Variants in XPNPEP1 observed in about 807,000 individuals in gnomAD.
XPNPEP1 encodes xaa-Pro aminopeptidase 1.
In XPNPEP1, 39 loss-of-function variants were observed where a neutral mutation model predicts 92.4. That is an observed-to-expected ratio of 0.42 (90% confidence interval 0.33 to 0.55). The LOEUF (loss-of-function observed/expected upper bound fraction) is 0.55, where lower values mean the gene tolerates loss of function less well. Ranked by LOEUF, XPNPEP1 falls within the 20% of genes least tolerant of loss-of-function variation. The pLI, the probability that XPNPEP1 is intolerant of heterozygous loss-of-function variation, is 0.08. For missense variants in XPNPEP1, 654 were observed against 856.1 expected (o/e 0.76, Z 2.95); for synonymous variants, 307 against 299.4 (o/e 1.03, Z -0.26).
At chr10:109,904,978 T>G (rs1456670918) in intron 3 of XPNPEP1, among the ~76,000 whole-genome samples, 1 of 152,118 alleles carries the variant, frequency 6.6e-6, no homozygotes, top group African/African-American at 2.4e-5. Context: ...ATTGCAACAT[T>G]ACTCACAATA....
chr10:109,896,818 A>C (rs1589601534), intron 3 of XPNPEP1, among the ~76,000 whole-genome samples: 2 of 152,276 alleles, frequency 1.3e-5, no homozygotes, highest in East Asian at 3.9e-4. Context: ...ACCATGAGCC[A>C]AGGAATGCAG....
intron 3 of XPNPEP1, among the ~76,000 whole-genome samples, chr10:109,902,762 T>C (rs1849352828): frequency 6.6e-6 from 1 of 152,236 alleles, no homozygotes; most frequent in South Asian, 2.1e-4. Flanking sequence ...GCTTGATACA[T>C]TTTGTATTTT....
chr10:109,920,025 C>T (rs1279184666), intron 1 of XPNPEP1, among the ~76,000 whole-genome samples: 1 of 151,350 alleles, frequency 6.6e-6, no homozygotes, highest in Non-Finnish European at 1.5e-5. Flanking sequence ...AGCAAGACTC[C>T]GTCTCATTTA....
At chr10:109,913,148 A>C (rs1391746438) in intron 2 of XPNPEP1, among the ~76,000 whole-genome samples, 1 of 152,240 alleles carries the variant, frequency 6.6e-6, no homozygotes, top group Admixed American at 6.5e-5. Context: ...GACTCACTTA[A>C]AAGTCTTGCA....
intron 17 of XPNPEP1, 148 bp downstream of exon 17, chr10:109,871,644 G>A: frequency 3.5e-6 from 3 of 858,286 alleles, no homozygotes; most frequent in East Asian, 5.2e-5. Context: ...GTGGGTTATG[G>A]AGACTCACCC....
In XPNPEP1 at chr10:109,867,989, C is replaced by T. The variant is rs958397232; in HGVS notation, c.1872+625G>A. ...TCCCCAGGACTGCCATCTGACCTGG[C>T]CTTACCAGTCCAGGGTCTGAAGGAG... is the stretch of plus-strand genomic sequence containing the variant. On this transcript the variant is annotated intron_variant, in intron 20 of 20. Coordinates refer to ENST00000502935, the MANE Select transcript of XPNPEP1 (RefSeq NM_020383.4). The surrounding 1 kb of genome is among the most constrained non-coding windows in gnomAD (Gnocchi z 4.5). Among the ~76,000 whole-genome samples the T allele has an allele frequency of 6.6e-6, 1 of 152,188 alleles. No homozygotes were observed. The highest frequency in any genetic ancestry group is 6.5e-5 in the Admixed American group (1 of 15,282).
intron 1 of XPNPEP1, among the ~76,000 whole-genome samples, chr10:109,919,835 C>G (rs1482883608): frequency 6.6e-6 from 1 of 152,148 alleles, no homozygotes; most frequent in African/African-American, 2.4e-5. Context: ...AGATAGAGAC[C>G]ATCCTGGCCA....
In XPNPEP1 at chr10:109,882,738, G is replaced by A. The variant is rs557694638; in HGVS notation, c.831-96C>T. On this transcript the variant is annotated intron_variant, in intron 9 of 20. Transcript: ENST00000502935. ...CATACACATCAGGCTCTGTTTCCTGGCAACCAAAACCAAGCCCCTTTTCTC... is the reference window on the plus strand; with the variant it reads ...CATACACATCAGGCTCTGTTTCCTGACAACCAAAACCAAGCCCCTTTTCTC... The A allele has an allele frequency of 1.2e-5, 16 of 1,368,102 alleles. No homozygotes were observed. In the South Asian group the frequency reaches 1.6e-4, roughly 13 times the overall value. The allele number at this position is 1,368,102 out of a possible 1,614,324, so 84.7% of individuals were successfully genotyped here.
intron 3 of XPNPEP1, among the ~76,000 whole-genome samples, chr10:109,898,324 A>G (rs1445002286): frequency 6.6e-6 from 1 of 152,250 alleles, no homozygotes; most frequent in Non-Finnish European, 1.5e-5. Flanking sequence ...TATGAACTGC[A>G]CCGAGCTTGA....
At chr10:109,876,448 A>C (rs998234396) in intron 14 of XPNPEP1, 16 of 152,258 alleles carry the variant, frequency 1.1e-4, no homozygotes, top group African/African-American at 3.4e-4. Flanking sequence ...CACAATGAAG[A>C]AATGCCAACG....
At chr10:109,878,435 C>A in intron 12 of XPNPEP1, 1 of 174,748 alleles carries the variant, frequency 5.7e-6, no homozygotes, top group Non-Finnish European at 1.2e-5. Flanking sequence ...CTGATAACAG[C>A]AAAAAATTAA....
At chr10:109,887,832 G>A (rs554761461) in intron 7 of XPNPEP1, among the ~76,000 whole-genome samples, 31 of 152,324 alleles carry the variant, frequency 2.0e-4, no homozygotes, top group Admixed American at 1.6e-3. Context: ...AACGAGCTTT[G>A]CGAAAATAAC....
chr10:109,870,430 C>A (rs912055939), intron 18 of XPNPEP1, among the ~76,000 whole-genome samples: 3 of 152,070 alleles, frequency 2.0e-5, no homozygotes, highest in Non-Finnish European at 4.4e-5. Context: ...CCAGTAAGAT[C>A]TCAATGATTT....
chr10:109,880,781 G>A, intron 11 of XPNPEP1, 61 bp downstream of exon 11: 1 of 1,527,416 alleles, frequency 6.5e-7, no homozygotes, highest in South Asian at 1.2e-5. Context: ...CAGAGGAGGT[G>A]AAGGAGCCGG....
chr10:109,875,167 A>G (rs1456267011), intron 15 of XPNPEP1, among the ~76,000 whole-genome samples: 1 of 152,114 alleles, frequency 6.6e-6, no homozygotes, highest in Non-Finnish European at 1.5e-5. Context: ...TTAATCCCTT[A>G]CTTCATAAGG....
chr10:109,880,848 C>A lies in XPNPEP1; in HGVS notation c.1125G>T (p.Arg375=). 1 of 1,613,926 alleles carries A rather than the reference C, an allele frequency of 6.2e-7. No homozygotes were observed. Among genetic ancestry groups the A allele is most frequent in the Non-Finnish European group, 8.5e-7 (1 of 1,179,952 alleles). The stretch of plus-strand genomic sequence containing the variant: ...CACCAGCTCCTCTACTCACGTGAGC[C>A]CGCCTCATGCCTTCTGACTCAGCTG... The part of the protein sequence containing the change: ...KNSAESEGMR[R]AHIKDAVALC... The change falls in exon 11 of 21, where the codon CGG becomes CGT. Residue 375 remains arginine, a synonymous_variant. Transcript: ENST00000502935.
At position 109,888,210 on chromosome 10, in the gene XPNPEP1, G is replaced by A. The variant is rs1848503833; in HGVS notation, c.509-18C>T. 1.2e-6 allele frequency: 2 copies of A among 1,607,082 alleles called. No homozygotes were observed. The highest frequency in any genetic ancestry group is 2.2e-5 in the East Asian group (1 of 44,866). ...CCAATAATCTGAGGAGACACATTGT[G>A]GCCCAGCCATGAGCCGAACGCCCAT... On this transcript the variant is annotated intron_variant, in intron 6 of 20. Transcript: ENST00000502935.
intron 15 of XPNPEP1, among the ~76,000 whole-genome samples, chr10:109,873,883 G>A (rs983012494): frequency 2.6e-5 from 4 of 152,156 alleles, no homozygotes; most frequent in Non-Finnish European, 4.4e-5. Flanking sequence ...GCCAGACACA[G>A]AAAGCCATAC....
At chr10:109,906,562 T>C (rs1688508480) in intron 3 of XPNPEP1, among the ~76,000 whole-genome samples, 1 of 152,172 alleles carries the variant, frequency 6.6e-6, no homozygotes, top group Admixed American at 6.5e-5. Flanking sequence ...TGTGCCAATA[T>C]GGTGGCTCTG....
Sources: gnomAD v4.1 joint callset for allele counts (sites outside exome capture counted in the v4.1 genomes callset) on GRCh38, gnomAD v4.1.1 for gene constraint, Gnocchi (gnomAD v3.1) non-coding constraint, MANE v1.5 for transcripts, NCBI Gene and HGNC (gene_info 2026-07-23, HGNC 2026-07-21) for gene names.